Variants in USP43 observed in about 807,000 individuals in gnomAD.
USP43 encodes the protein ubiquitin carboxyl-terminal hydrolase 43.
In USP43, 33 loss-of-function variants were observed where a neutral mutation model predicts 90.7. The observed-to-expected ratio is 0.36, with a 90% confidence interval of 0.28 to 0.49. The LOEUF (loss-of-function observed/expected upper bound fraction) is 0.49, where lower values mean the gene tolerates loss of function less well. Among genes scored for constraint, USP43 ranks in the 20% least tolerant of loss-of-function variants. The pLI is 0.98. For missense variants in USP43, 1,274 were observed against 1,476.4 expected (o/e 0.86, Z 2.25); for synonymous variants, 598 against 615.8 (o/e 0.97, Z 0.43).
chr17:9,660,682 C>T (rs750563601), intron 2 of USP43, among the ~76,000 whole-genome samples: 18 of 152,176 alleles, frequency 1.2e-4, no homozygotes, highest in Non-Finnish European at 1.9e-4. Context: ...CTCTGCCCCT[C>T]GCTCCCTGGC....
chr17:9,697,120 G>A (rs181804905), intron 9 of USP43, among the ~76,000 whole-genome samples: 23 of 152,304 alleles, frequency 1.5e-4, no homozygotes, highest in African/African-American at 4.8e-4. Flanking sequence ...GGGAGGCTGA[G>A]GCAGGAGAAT....
At position 9,686,955 on chromosome 17, in the gene USP43, G is replaced by A. The variant is rs752202901; in HGVS notation, c.1353+46G>A. On this transcript the variant is annotated intron_variant, in intron 8 of 14. Transcript: ENST00000285199. The surrounding 1 kb of genome is among the most constrained non-coding windows in gnomAD (Gnocchi z 5.5). ...TGTGTGTGTGTGCGTGCATGCGCAT[G>A]TGCATGCGTGTGTGTGGGTGTGTGT... 5 of 1,540,634 alleles carry A rather than the reference G, an allele frequency of 3.2e-6. No homozygotes were observed. Among genetic ancestry groups the A allele is most frequent in the South Asian group, 1.1e-5 (1 of 88,934 alleles).
chr17:9,725,476 A>G (rs1917215947), intron 14 of USP43, among the ~76,000 whole-genome samples: 1 of 152,112 alleles, frequency 6.6e-6, no homozygotes, highest in African/African-American at 2.4e-5. Flanking sequence ...GACTTTGTAG[A>G]GAGGAAGTGT....
Position 9,645,675 on chromosome 17 carries a change from G to C in USP43, c.43G>C (p.Ala15Pro). 1 of 1,276,294 alleles carries C rather than the reference G, an allele frequency of 7.8e-7. No individual in the cohort carries two copies. The highest frequency in any genetic ancestry group is 2.6e-5 in the South Asian group (1 of 37,856). The allele number at this position is 1,276,294 out of a possible 1,614,324, so 79.1% of individuals were successfully genotyped here. The change falls in exon 1 of 15, where the codon GCG becomes CCG. Residue 15 changes from alanine (A) to proline (P), a missense_variant. Ala to Pro is a conservative substitution (Grantham distance 27). Transcript: ENST00000285199. The surrounding 1 kb of genome is among the most constrained non-coding windows in gnomAD (Gnocchi z 6.8). ...PGDAAGGGPL[A>P]PRPRRRRSLR... Reference sequence around the variant, plus strand: ...GGACGCGGCAGGAGGGGGACCGCTCGCGCCCCGGCCCCGCCGCCGCCGCTC... The same window carrying C: ...GGACGCGGCAGGAGGGGGACCGCTCCCGCCCCGGCCCCGCCGCCGCCGCTC...
chr17:9,666,178 A>G (rs1913024023), intron 2 of USP43, among the ~76,000 whole-genome samples: 2 of 152,200 alleles, frequency 1.3e-5, no homozygotes, highest in Admixed American at 6.5e-5. Context: ...CCTGCAAAAG[A>G]GAATACTCAT....
chr17:9,702,064 G>C (rs764848995), intron 12 of USP43, among the ~76,000 whole-genome samples: 5 of 152,138 alleles, frequency 3.3e-5, no homozygotes, highest in Non-Finnish European at 5.9e-5. Context: ...TTGGAGGTTG[G>C]AATATGTAAA....
chr17:9,697,185 C>G (rs1193561458), intron 9 of USP43, among the ~76,000 whole-genome samples: 1 of 151,936 alleles, frequency 6.6e-6, no homozygotes, highest in African/African-American at 2.4e-5. Context: ...CCACTGCACT[C>G]CAGCCTGGGC....
chr17:9,666,531 C>T, intron 2 of USP43, 117 bp from the exon 3 acceptor site: 1 of 782,562 alleles, frequency 1.3e-6, no homozygotes. Context: ...TGAGACTCTA[C>T]AGAGGCCCAG....
chr17:9,662,224 C>T (rs1597822251), intron 2 of USP43, among the ~76,000 whole-genome samples: 1 of 152,226 alleles, frequency 6.6e-6, no homozygotes, highest in Non-Finnish European at 1.5e-5. Context: ...CATGCATGGA[C>T]TGGATTCAGG....
intron 12 of USP43, among the ~76,000 whole-genome samples, chr17:9,708,781 C>T (rs1040406695): frequency 6.6e-6 from 1 of 152,170 alleles, no homozygotes; most frequent in African/African-American, 2.4e-5. Context: ...GCGTGCACCA[C>T]TACGCCCAGC....
chr17:9,650,516 C>T (rs1401740939), intron 1 of USP43, among the ~76,000 whole-genome samples: 3 of 152,138 alleles, frequency 2.0e-5, no homozygotes. Context: ...GATTCTCCTG[C>T]CTCAGCCTCC....
chr17:9,705,908 T>C (rs1915849181), intron 12 of USP43, among the ~76,000 whole-genome samples: 2 of 152,210 alleles, frequency 1.3e-5, no homozygotes, highest in South Asian at 2.1e-4. Context: ...GTCTGTGTTG[T>C]AATAAGCACA....
At chr17:9,726,416 C>A (rs953904319) in intron 14 of USP43, among the ~76,000 whole-genome samples, 1 of 152,108 alleles carries the variant, frequency 6.6e-6, no homozygotes, top group Non-Finnish European at 1.5e-5. Flanking sequence ...GAATACCACG[C>A]CTGGGCAGCT....
chr17:9,647,332 A>G (rs1911502937), intron 1 of USP43, among the ~76,000 whole-genome samples: 1 of 152,122 alleles, frequency 6.6e-6, no homozygotes, highest in Non-Finnish European at 1.5e-5. Flanking sequence ...AGTGGGTCAA[A>G]TGGTTGTCAC....
At chr17:9,703,581 C>T (rs925735919) in intron 12 of USP43, among the ~76,000 whole-genome samples, 14 of 152,190 alleles carry the variant, frequency 9.2e-5, no homozygotes, top group African/African-American at 3.1e-4. Flanking sequence ...CAGGAAAGAG[C>T]CTGTTTAATA....
chr17:9,680,828 C>T (rs960693631), intron 6 of USP43, among the ~76,000 whole-genome samples: 2 of 151,686 alleles, frequency 1.3e-5, no homozygotes, highest in Non-Finnish European at 1.5e-5. Flanking sequence ...TTGAGCAGTA[C>T]GTGGTTAAAG....
chr17:9,700,242 A>G lies in USP43; in HGVS notation c.1528A>G (p.Lys510Glu). The G allele has an allele frequency of 6.3e-7, 1 of 1,597,690 alleles. No homozygotes were observed. Among genetic ancestry groups the G allele is most frequent in the Non-Finnish European group, 8.5e-7 (1 of 1,172,400 alleles). ...GGCGGTGGAGTGGGATAGCTCTGTC[A>G]AGGAGCGGTGAGTTCAAGGGAATTT... Reference protein sequence around the residue: ...KLAVEWDSSVKERLFGSLQEE... With the variant: ...KLAVEWDSSVEERLFGSLQEE... Residue 510 changes from lysine to glutamate, a missense_variant, in exon 10 of 15, where the codon AAG (lysine) becomes GAG (glutamate). This residue lies in a region of USP43 where 253 missense variants were observed against 276.0 expected (regional missense o/e 0.92). Coordinates refer to ENST00000285199, the MANE Select transcript of USP43 (RefSeq NM_153210.5).
chr17:9,703,526 G>T (rs1264686370), intron 12 of USP43, among the ~76,000 whole-genome samples: 1 of 152,236 alleles, frequency 6.6e-6, no homozygotes, highest in Non-Finnish European at 1.5e-5. Flanking sequence ...CCCTTGCAGA[G>T]ATCTCCTGGG....
intron 1 of USP43, among the ~76,000 whole-genome samples, 161 bp from the exon 2 acceptor site, chr17:9,656,242 G>A (rs1440144217): frequency 6.6e-6 from 1 of 152,140 alleles, no homozygotes; most frequent in Non-Finnish European, 1.5e-5. Context: ...CCAAAAGGAC[G>A]GGCTTTGGCG....
Sources: allele counts gnomAD v4.1 joint callset (sites outside exome capture counted in the v4.1 genomes callset), GRCh38; gene constraint gnomAD v4.1.1; regional missense constraint gnomAD v4.1.1; non-coding constraint Gnocchi (gnomAD v3.1); transcripts MANE v1.5; gene names NCBI Gene and HGNC (gene_info 2026-07-23, HGNC 2026-07-21).